LRRC37A2: variants seen among roughly 807,000 people sequenced by gnomAD.
LRRC37A2 encodes the protein leucine rich repeat containing 37 member A2.
In LRRC37A2, 9 loss-of-function variants were observed where a neutral mutation model predicts 68.8. The ratio of observed to expected loss-of-function variants is 0.13; its 90% CI spans 0.08 to 0.23. The LOEUF (loss-of-function observed/expected upper bound fraction) is 0.23, where lower values mean the gene tolerates loss of function less well. LRRC37A2 is among the 10% of genes least tolerant of loss of function. The pLI is 1.00. For synonymous variants in LRRC37A2, 63 were observed against 367.6 expected (o/e 0.17, Z 9.48); for missense variants, 168 against 950.4 (o/e 0.18, Z 10.82).
the LRRC37A2 span, chr17:46,932,377 C>A: frequency 1.5e-6 from 1 of 683,600 alleles, no homozygotes; most frequent in South Asian, 1.8e-5. Flanking sequence ...GACAGAGAAT[C>A]CCTTTTTCTA....
chr17:46,790,504 G>A, the LRRC37A2 span, among the ~76,000 whole-genome samples: 1 of 152,038 alleles, frequency 6.6e-6, no homozygotes, highest in Non-Finnish European at 1.5e-5. Flanking sequence ...ACAGGGCTGG[G>A]GACCTGCCCA....
At chr17:46,869,129 C>T in the LRRC37A2 span, among the ~76,000 whole-genome samples, 1 of 152,160 alleles carries the variant, frequency 6.6e-6, no homozygotes, top group Admixed American at 6.5e-5. Flanking sequence ...CCTGGGCAGA[C>T]CAGGGCCCGG....
At chr17:46,598,597 T>C in the LRRC37A2 span, among the ~76,000 whole-genome samples, 1 of 152,064 alleles carries the variant, frequency 6.6e-6, no homozygotes, top group Admixed American at 6.5e-5. Flanking sequence ...GCTTAGGAGT[T>C]GAAAGGGGTA....
At chr17:46,944,624 T>TC in the LRRC37A2 span, among the ~76,000 whole-genome samples, 2 of 140,808 alleles carry the variant, frequency 1.4e-5, no homozygotes, top group African/African-American at 2.6e-5. Context: ...TTTTTTTTTT[T>TC]CCTCTCATTC....
At chr17:46,850,294 G>A in the LRRC37A2 span, among the ~76,000 whole-genome samples, 1 of 152,184 alleles carries the variant, frequency 6.6e-6, no homozygotes, top group Non-Finnish European at 1.5e-5. Flanking sequence ...TAGAACCATG[G>A]GATTTGATAG....
the LRRC37A2 span, among the ~76,000 whole-genome samples, chr17:46,626,046 T>A: frequency 6.7e-6 from 1 of 148,428 alleles, no homozygotes; most frequent in Admixed American, 6.7e-5. Flanking sequence ...TAGCACAAAA[T>A]TTTTTAAAAC....
At chr17:46,609,144 G>A in the LRRC37A2 span, among the ~76,000 whole-genome samples, 1 of 147,538 alleles carries the variant, frequency 6.8e-6, no homozygotes, top group Non-Finnish European at 1.5e-5. Context: ...GACTAGGAGC[G>A]GGCAGTATGG....
the LRRC37A2 span, among the ~76,000 whole-genome samples, chr17:46,681,464 T>C: frequency 1.4e-5 from 2 of 140,910 alleles, no homozygotes; most frequent in Non-Finnish European, 3.1e-5. Context: ...CACTCCCGCT[T>C]GGGCAACAGA....
At chr17:46,907,057 G>A in the LRRC37A2 span, among the ~76,000 whole-genome samples, 1 of 152,234 alleles carries the variant, frequency 6.6e-6, no homozygotes, top group East Asian at 1.9e-4. Flanking sequence ...GCCCAACACA[G>A]GTCTCTCTGA....
At chr17:46,921,812 C>T in the LRRC37A2 span, among the ~76,000 whole-genome samples, 56,969 of 151,838 alleles carry the variant, frequency 0.38, 10,739 homozygotes, top group South Asian at 0.48. Flanking sequence ...AGAATGGCGA[C>T]CATTAAAAAG....
At chr17:46,900,188 T>C in the LRRC37A2 span, among the ~76,000 whole-genome samples, 349 of 115,486 alleles carry the variant, frequency 3.0e-3, 11 homozygotes, top group African/African-American at 0.011. Flanking sequence ...TATATATATA[T>C]ATATATATAT....
At chr17:46,838,296 CAGAAGAGA>C in the LRRC37A2 span, among the ~76,000 whole-genome samples, 3 of 148,250 alleles carry the variant, frequency 2.0e-5, no homozygotes, top group African/African-American at 7.5e-5. Context: ...GTCAGTGGAT[CAGAAGAGA>C]TAGAACGGGG....
At chr17:46,928,655 A>G in the LRRC37A2 span, among the ~76,000 whole-genome samples, 2 of 152,092 alleles carry the variant, frequency 1.3e-5, no homozygotes, top group African/African-American at 4.8e-5. Context: ...ATTGTCGGAG[A>G]AGGATGTTTA....
the LRRC37A2 span, among the ~76,000 whole-genome samples, chr17:46,776,090 G>C: frequency 0.62 from 95,017 of 152,158 alleles, 32,340 homozygotes; most frequent in South Asian, 0.82. Flanking sequence ...TGATGAAGCA[G>C]CCCAGACCAC....
At chr17:47,027,030 C>T in the LRRC37A2 span, among the ~76,000 whole-genome samples, 1 of 152,126 alleles carries the variant, frequency 6.6e-6, no homozygotes, top group Non-Finnish European at 1.5e-5. Flanking sequence ...CCTGCCTCAG[C>T]CTCCTGAGCG....
At chr17:46,933,841 G>A in the LRRC37A2 span, among the ~76,000 whole-genome samples, 1 of 151,854 alleles carries the variant, frequency 6.6e-6, no homozygotes, top group African/African-American at 2.4e-5. Context: ...GCGTGAGCCT[G>A]TGGTCCCAAC....
At chr17:47,030,089 ATCATCATC>A in the LRRC37A2 span, among the ~76,000 whole-genome samples, 1 of 95,454 alleles carries the variant, frequency 1.0e-5, no homozygotes, top group Admixed American at 1.0e-4. Context: ...AATAATAATA[ATCATCATC>A]ATCATCATCA....
chr17:46,896,965 G>C, the LRRC37A2 span, among the ~76,000 whole-genome samples: 1 of 152,192 alleles, frequency 6.6e-6, no homozygotes, highest in African/African-American at 2.4e-5. Flanking sequence ...CCAGCTTCAA[G>C]TCAAATGCTA....
chr17:46,900,194 TATATATATAC>T, the LRRC37A2 span, among the ~76,000 whole-genome samples: 2,344 of 101,380 alleles, frequency 0.023, 19 homozygotes, highest in Middle Eastern at 0.063. Flanking sequence ...TATATATATA[TATATATATAC>T]ACACACACAC....
Sources: allele counts gnomAD v4.1 joint callset (sites outside exome capture counted in the v4.1 genomes callset), GRCh38; gene constraint gnomAD v4.1.1; transcripts MANE v1.5; gene names NCBI Gene and HGNC (gene_info 2026-07-23, HGNC 2026-07-21).